The following EML5 variants were observed in gnomAD, a reference collection of about 807,000 sequenced individuals.
EML5 encodes EMAP like 5.
EML5 carries 120 observed loss-of-function variants against 250.0 expected under a neutral mutation model. The ratio of observed to expected loss-of-function variants is 0.48; its 90% CI spans 0.41 to 0.56. The LOEUF (loss-of-function observed/expected upper bound fraction) is 0.56. EML5 is among the 20% of genes least tolerant of loss of function. The pLI is 0.00. For synonymous variants in EML5, 771 were observed against 806.5 expected (o/e 0.96, Z 0.75); for missense variants, 2,006 against 2,437.6 (o/e 0.82, Z 3.73).
intron 7 of EML5, among the ~76,000 whole-genome samples, chr14:88,729,863 G>GTTTTTTCTTTTTT: frequency 1.5e-5 from 1 of 67,888 alleles, no homozygotes; most frequent in African/African-American, 1.3e-4. Flanking sequence ...ACTCGGTCTT[G>GTTTTTTCTTTTTT]TTTTTTGTTT....
At chr14:88,659,602 T>C (rs1205362078) in intron 25 of EML5, among the ~76,000 whole-genome samples, 1 of 152,150 alleles carries the variant, frequency 6.6e-6, no homozygotes, top group African/African-American at 2.4e-5. Flanking sequence ...GTGTGGTTCT[T>C]GCTACACTAA....
chr14:88,761,185 C>A (rs2094236408), intron 1 of EML5, among the ~76,000 whole-genome samples: 1 of 152,048 alleles, frequency 6.6e-6, no homozygotes. Flanking sequence ...GCTTGAACTT[C>A]TAGCAGGATG....
intron 21 of EML5, among the ~76,000 whole-genome samples, chr14:88,674,885 T>A (rs1481737912): frequency 6.6e-6 from 1 of 151,972 alleles, no homozygotes; most frequent in Non-Finnish European, 1.5e-5. Flanking sequence ...AACCAAGGGG[T>A]TACAGGCCCC....
chr14:88,745,615 T>G (rs2093994056), intron 3 of EML5, among the ~76,000 whole-genome samples: 1 of 152,146 alleles, frequency 6.6e-6, no homozygotes, highest in Non-Finnish European at 1.5e-5. Context: ...AAATTAGTGG[T>G]AAACCAAACT....
Position 88,661,702 on chromosome 14 carries a change from A to T in EML5, c.3627T>A (p.Ala1209=). ...TCACAAATCCCAAATCGTCCCCGGT[A>T]GCTAGAACCATTTTGTCACTGGTGA... The part of the protein sequence containing the change: ...SCLTSDKMVL[A]TGDDLGFVKL... Residue 1209 remains alanine (A), a synonymous_variant, in exon 25 of 44, where the codon GCT becomes GCA. Transcript: ENST00000554922. 1 of 1,613,682 alleles carries T rather than the reference A, an allele frequency of 6.2e-7. No homozygotes were observed. The highest frequency in any genetic ancestry group is 8.5e-7 in the Non-Finnish European group (1 of 1,179,760).
At chr14:88,735,712 AAT>A (rs2140190703) in intron 7 of EML5, among the ~76,000 whole-genome samples, 1 of 152,334 alleles carries the variant, frequency 6.6e-6, no homozygotes, top group African/African-American at 2.4e-5. Flanking sequence ...ACAAATGTAT[AAT>A]GATATTCACT....
chr14:88,709,889 C>A (rs1027545229), intron 10 of EML5, among the ~76,000 whole-genome samples: 1 of 152,144 alleles, frequency 6.6e-6, no homozygotes, highest in South Asian at 2.1e-4. Context: ...CTGAATCAGT[C>A]CCCGTTATAA....
At position 88,712,422 on chromosome 14, in the gene EML5, A is replaced by G. The variant is rs756534288; in HGVS notation, c.1506T>C (p.Cys502=). 5.0e-6 allele frequency: 8 copies of G among 1,613,666 alleles called. No homozygotes were observed. Among genetic ancestry groups the G allele is most frequent in the African/African-American group, 1.3e-5 (1 of 75,028 alleles). ...TTCCATTTACTTCAAGGCCTGAAAC[A>G]CATGTCCATGAAGCCCAATGAACAC... ...IKGVHWASWT[C]VSGLEVNGIW... Residue 502 remains cysteine (C), a synonymous_variant, in exon 10 of 44, where the codon TGT becomes TGC. Transcript: ENST00000554922.
In EML5 at chr14:88,681,037, A is replaced by C. The variant is rs545974297; in HGVS notation, c.3124+853T>G. On this transcript the variant is annotated intron_variant, in intron 21 of 43. Transcript: ENST00000554922. Reference sequence around the variant, plus strand: ...TATCTGAAATGGGTAGTTAAGATTAAAGATAGAAAAGAGTAAATCTAAAAT... The same window carrying C: ...TATCTGAAATGGGTAGTTAAGATTACAGATAGAAAAGAGTAAATCTAAAAT... 1.1e-4 allele frequency among the ~76,000 whole-genome samples: 16 copies of C among 152,354 alleles called. No individual in the cohort carries two copies. The South Asian group carries it at 2.7e-3, about 26-fold the overall frequency.
rs751789187 is a variant in EML5 at position 88,661,816 on chromosome 14, A to G, written c.3513T>C (p.Ala1171=). 1.2e-6 allele frequency: 2 copies of G among 1,607,984 alleles called. No individual in the cohort carries two copies. Among genetic ancestry groups the G allele is most frequent in the South Asian group, 2.2e-5 (2 of 89,674 alleles). Residue 1171 remains alanine (A), a synonymous_variant, in exon 25 of 44, where the codon GCT becomes GCC. Transcript: ENST00000554922. ...TIPSVEVEKI[A]WASWTSVLGL... ...CAAGTACACTTGTCCATGATGCCCA[A>G]GCAATTTTTTCTACCTAAAAATGAA... is the stretch of plus-strand genomic sequence containing the variant.
At chr14:88,652,112 T>C (rs1185614710) in intron 27 of EML5, among the ~76,000 whole-genome samples, 1 of 152,202 alleles carries the variant, frequency 6.6e-6, no homozygotes, top group Non-Finnish European at 1.5e-5. Flanking sequence ...ACTTGAAACA[T>C]GGAATTCTGT....
rs1253758449 is a variant in EML5 at position 88,777,392 on chromosome 14, G to A, written c.197+14915C>T. On this transcript the variant is annotated intron_variant, in intron 1 of 43. Transcript: ENST00000554922. ...AAAGACTTTCCCAAACAAAAGCTGA[G>A]GGATTTCAACACCAGACCTGTCCTA... 2.0e-5 allele frequency among the ~76,000 whole-genome samples: 3 copies of A among 152,144 alleles called. No individual in the cohort carries two copies. The East Asian group carries it at 5.8e-4, about 29-fold the overall frequency.
intron 33 of EML5, among the ~76,000 whole-genome samples, chr14:88,632,951 G>A (rs1325946090): frequency 6.6e-6 from 1 of 152,164 alleles, no homozygotes; most frequent in African/African-American, 2.4e-5. Context: ...GGGTGTTGGA[G>A]AGACATAGAA....
chr14:88,782,044 G>C (rs1437859250), intron 1 of EML5, among the ~76,000 whole-genome samples: 1 of 152,176 alleles, frequency 6.6e-6, no homozygotes, highest in East Asian at 1.9e-4. Flanking sequence ...TAAAGACTTG[G>C]AGGGCTCCGA....
At chr14:88,740,112 A>C (rs1187517669) in intron 5 of EML5, among the ~76,000 whole-genome samples, 1 of 152,190 alleles carries the variant, frequency 6.6e-6, no homozygotes, top group Non-Finnish European at 1.5e-5. Flanking sequence ...TTTAGATTGA[A>C]GTCAACAAGC....
rs575632171 is a variant in EML5 at position 88,622,391 on chromosome 14, A to G, written c.5013+213T>C. The G allele has an allele frequency of 4.3e-4, 173 of 399,448 alleles. No individual in the cohort carries two copies. The East Asian group carries it at 6.3e-3, about 14-fold the overall frequency. 24.7% of individuals were successfully genotyped at this position (399,448 alleles called of 1,614,324 possible). A position where few individuals can be genotyped will look rare whatever the true frequency, so the allele number is the denominator to read the frequency against. ...ATTCTAGAAAATATTGGAGGTTTACATACAGTATTTAGACAGAATAGCTTC... is the reference window on the plus strand; with the variant it reads ...ATTCTAGAAAATATTGGAGGTTTACGTACAGTATTTAGACAGAATAGCTTC... On this transcript the variant is annotated intron_variant, in intron 37 of 43. Transcript: ENST00000554922.
chr14:88,722,842 G>A (rs1378614347), intron 8 of EML5, among the ~76,000 whole-genome samples: 3 of 152,088 alleles, frequency 2.0e-5, no homozygotes, highest in African/African-American at 7.2e-5. Flanking sequence ...GCAAACCACC[G>A]TGGCACATGT....
intron 19 of EML5, 108 bp from the exon 20 acceptor site, chr14:88,685,250 T>G (rs2092806246): frequency 5.6e-6 from 5 of 894,108 alleles, no homozygotes; most frequent in Non-Finnish European, 7.9e-6. Flanking sequence ...ATTACAAGGT[T>G]TTCTCCTGTA....
At position 88,774,034 on chromosome 14, in the gene EML5, G is replaced by T. The variant is rs574004601; in HGVS notation, c.197+18273C>A. Among the ~76,000 whole-genome samples, 31 of 152,222 alleles carry T rather than the reference G, an allele frequency of 2.0e-4. No individual in the cohort carries two copies. The South Asian group carries it at 6.4e-3, about 32-fold the overall frequency. On this transcript the variant is annotated intron_variant, in intron 1 of 43. Transcript: ENST00000554922. ...CTTGAGAGGCTGAGGCAAGATAATC[G>T]CTCGAACCCGGAGGCAAAGGTTGCA...
Sources: allele counts gnomAD v4.1 joint callset (sites outside exome capture counted in the v4.1 genomes callset), GRCh38; gene constraint gnomAD v4.1.1; transcripts MANE v1.5; gene names NCBI Gene and HGNC (gene_info 2026-07-23, HGNC 2026-07-21).